Variants in CSNK1G3 observed in about 807,000 individuals in gnomAD.
The protein encoded by CSNK1G3 is casein kinase I isoform gamma-3.
A neutral mutation model predicts 64.3 loss-of-function variants in CSNK1G3; 23 were observed. That is an observed-to-expected ratio of 0.36 (90% CI 0.26 to 0.51). CSNK1G3 has a LOEUF of 0.51. Ranked by LOEUF, CSNK1G3 falls within the 20% of genes least tolerant of loss-of-function variation. The probability of loss-of-function intolerance (pLI) is 0.96; values close to 1 mark genes in which losing one functional copy is unlikely to be tolerated. For synonymous variants in CSNK1G3, 158 were observed against 162.2 expected, an observed-to-expected ratio of 0.97 and a Z score of 0.20; for missense variants, 357 against 510.5, an observed-to-expected ratio of 0.70 and a Z score of 2.90.
At chr5:123,515,268 G>C (rs1196024893) in intron 1 of CSNK1G3, among the ~76,000 whole-genome samples, 1 of 152,144 alleles carries the variant, frequency 6.6e-6, no homozygotes, top group Non-Finnish European at 1.5e-5. Context: ...TATTGTTTCA[G>C]ATGTTTTTCA....
chr5:123,586,837 A>AG (rs1561578965), intron 6 of CSNK1G3, among the ~76,000 whole-genome samples: 1 of 152,224 alleles, frequency 6.6e-6, no homozygotes, highest in Non-Finnish European at 1.5e-5. Context: ...TACAAAAGAA[A>AG]GAGGTTTAAT....
At chr5:123,521,860 T>TA (rs56240594) in intron 1 of CSNK1G3, among the ~76,000 whole-genome samples, 4 of 148,386 alleles carry the variant, frequency 2.7e-5, no homozygotes, top group East Asian at 2.0e-4. Context: ...CTTGGGAGCT[T>TA]AAAAAAAAAA....
chr5:123,562,960 A>G (rs1246500120), intron 4 of CSNK1G3, among the ~76,000 whole-genome samples: 1 of 152,086 alleles, frequency 6.6e-6, no homozygotes, highest in East Asian at 1.9e-4. Flanking sequence ...TGCATAGAAC[A>G]TATTTGAAAT....
intron 12 of CSNK1G3, among the ~76,000 whole-genome samples, chr5:123,613,880 G>A (rs1748982136): frequency 6.6e-6 from 1 of 151,996 alleles, no homozygotes; most frequent in African/African-American, 2.4e-5. Flanking sequence ...TGTATTTTCT[G>A]TCTTTCACTT....
intron 1 of CSNK1G3, among the ~76,000 whole-genome samples, chr5:123,538,637 G>A (rs1781203248): frequency 1.3e-5 from 2 of 152,080 alleles, no homozygotes; most frequent in Non-Finnish European, 2.9e-5. Flanking sequence ...TGTAGATTAC[G>A]GTTTGATGGG....
intron 4 of CSNK1G3, among the ~76,000 whole-genome samples, chr5:123,572,209 C>T (rs1282678189): frequency 6.6e-6 from 1 of 151,936 alleles, no homozygotes; most frequent in Non-Finnish European, 1.5e-5. Flanking sequence ...GAGAACCCTC[C>T]CTTCATCTCC....
intron 1 of CSNK1G3, among the ~76,000 whole-genome samples, chr5:123,538,521 A>G (rs1301057766): frequency 1.3e-5 from 2 of 152,194 alleles, no homozygotes; most frequent in African/African-American, 4.8e-5. Context: ...AAAAAAATGC[A>G]GTTGTTCAGT....
intron 9 of CSNK1G3, 46 bp from the exon 10 acceptor site, chr5:123,591,273 A>T (rs757136825): frequency 5.9e-6 from 7 of 1,186,054 alleles, no homozygotes; most frequent in Non-Finnish European, 8.2e-6. Context: ...TTTAAATAAG[A>T]ATTTTAAAAT....
chr5:123,539,437 TAAA>T (rs375475060), intron 1 of CSNK1G3, among the ~76,000 whole-genome samples: 1 of 133,232 alleles, frequency 7.5e-6, no homozygotes. Flanking sequence ...AAGAGCAGAT[TAAA>T]AAAAAAAAAA....
At chr5:123,525,997 CAAA>C (rs775868312) in intron 1 of CSNK1G3, among the ~76,000 whole-genome samples, 2 of 56,454 alleles carry the variant, frequency 3.5e-5, no homozygotes, top group Non-Finnish European at 7.4e-5. Flanking sequence ...GACTCCGTCT[CAAA>C]AAAAAAAAAA....
exon 1 of CSNK1G3, chr5:123,512,434 C>G (rs1481192151): frequency 6.6e-6 from 1 of 152,170 alleles, no homozygotes; most frequent in Non-Finnish European, 1.5e-5. Context: ...CTCGCTCGCT[C>G]CCTGCGTGGC....
chr5:123,573,337 A>G, intron 4 of CSNK1G3, 56 bp from the exon 5 acceptor site: 1 of 1,547,574 alleles, frequency 6.5e-7, no homozygotes, highest in Non-Finnish European at 8.9e-7. Context: ...TTTTAAGAGG[A>G]AAACCTTAGT....
At chr5:123,524,038 T>A (rs1778607650) in intron 1 of CSNK1G3, among the ~76,000 whole-genome samples, 2 of 152,224 alleles carry the variant, frequency 1.3e-5, no homozygotes, top group African/African-American at 4.8e-5. Flanking sequence ...GAAAACAAAC[T>A]ATGGACCTGC....
chr5:123,567,569 G>A (rs533094570), intron 4 of CSNK1G3, among the ~76,000 whole-genome samples: 17 of 152,192 alleles, frequency 1.1e-4, no homozygotes, highest in South Asian at 6.2e-4. Flanking sequence ...TCGCACAACT[G>A]TATTCCAGCC....
intron 1 of CSNK1G3, among the ~76,000 whole-genome samples, chr5:123,513,150 C>T (rs888378088): frequency 6.6e-6 from 1 of 152,068 alleles, no homozygotes; most frequent in Admixed American, 6.5e-5. Flanking sequence ...TGACTCAGCT[C>T]AAAACTTAAC....
At chr5:123,560,501 T>C (rs139648121) in intron 4 of CSNK1G3, among the ~76,000 whole-genome samples, 26 of 152,058 alleles carry the variant, frequency 1.7e-4, no homozygotes, top group Non-Finnish European at 3.1e-4. Flanking sequence ...GGATAAAATG[T>C]GGTATATACA....
chr5:123,597,372 A>G (rs1561604390), intron 10 of CSNK1G3, among the ~76,000 whole-genome samples: 1 of 152,160 alleles, frequency 6.6e-6, no homozygotes, highest in Admixed American at 6.6e-5. Flanking sequence ...TCCCTAATTA[A>G]TAAGTCACTG....
intron 6 of CSNK1G3, among the ~76,000 whole-genome samples, chr5:123,577,369 A>T (rs1169264262): frequency 6.6e-6 from 1 of 152,076 alleles, no homozygotes; most frequent in African/African-American, 2.4e-5. Flanking sequence ...ATATATGTAT[A>T]TACATACACA....
chr5:123,596,355 A>ACACAAAC (rs1581369529), intron 10 of CSNK1G3, among the ~76,000 whole-genome samples: 1 of 152,126 alleles, frequency 6.6e-6, no homozygotes, highest in Non-Finnish European at 1.5e-5. Flanking sequence ...AATTCAGCAA[A>ACACAAAC]TATATTCTAT....
Sources: gnomAD v4.1 joint callset for allele counts (sites outside exome capture counted in the v4.1 genomes callset) on GRCh38, gnomAD v4.1.1 for gene constraint, MANE v1.5 for transcripts, NCBI Gene and HGNC (gene_info 2026-07-23, HGNC 2026-07-21) for gene names.